The following BCAR3 variants were observed in gnomAD, a reference collection of about 807,000 sequenced individuals.
BCAR3 encodes the protein BCAR3 adaptor protein, NSP family member, also known as breast cancer anti-estrogen resistance protein 3.
A neutral mutation model predicts 80.1 loss-of-function variants in BCAR3; 37 were observed. The ratio of observed to expected loss-of-function variants is 0.46; its 90% CI spans 0.36 to 0.61. The LOEUF (loss-of-function observed/expected upper bound fraction) is 0.61, where lower values mean the gene tolerates loss of function less well. BCAR3 is among the 20% of genes least tolerant of loss of function. BCAR3 has a pLI of 0.00. For missense variants in BCAR3, 978 were observed against 1,068.2 expected, an observed-to-expected ratio of 0.92 and a Z score of 1.18; for synonymous variants, 389 against 418.9, an observed-to-expected ratio of 0.93 and a Z score of 0.87.
upstream of BCAR3, among the ~76,000 whole-genome samples, chr1:93,685,358 TG>T (rs1328222504): frequency 6.6e-5 from 10 of 151,980 alleles, no homozygotes; most frequent in Middle Eastern, 3.4e-3. Context: ...TTTCTATGTG[TG>T]TGTGTGTGTG....
At chr1:93,670,593 A>G (rs1225655244) in intron 2 of BCAR3, among the ~76,000 whole-genome samples, 1 of 152,168 alleles carries the variant, frequency 6.6e-6, no homozygotes, top group African/African-American at 2.4e-5. Flanking sequence ...TAGCTCAGTT[A>G]TCCATTAAGG....
intron 2 of BCAR3, among the ~76,000 whole-genome samples, chr1:93,829,245 T>C (rs763047470): frequency 6.6e-6 from 1 of 152,090 alleles, no homozygotes; most frequent in Non-Finnish European, 1.5e-5. Context: ...CTGGCTCTCC[T>C]ACCCTAGTCT....
At chr1:93,653,784 C>G (rs1571010866) in intron 2 of BCAR3, among the ~76,000 whole-genome samples, 1 of 152,282 alleles carries the variant, frequency 6.6e-6, no homozygotes, top group South Asian at 2.1e-4. Flanking sequence ...AGTGAAGAAG[C>G]CCCACATGGG....
At chr1:93,630,927 C>A (rs565751917) in intron 3 of BCAR3, among the ~76,000 whole-genome samples, 1 of 152,336 alleles carries the variant, frequency 6.6e-6, no homozygotes, top group East Asian at 1.9e-4. Context: ...CAAGGTCATA[C>A]AACCAAGAAA....
chr1:93,583,465 AGGGAAAGTCAG>A (rs1673811381), intron 6 of BCAR3, among the ~76,000 whole-genome samples: 1 of 152,148 alleles, frequency 6.6e-6, no homozygotes, highest in Non-Finnish European at 1.5e-5. Context: ...TTGTGGTCCC[AGGGAAAGTCAG>A]TTATGAAAAT....
At chr1:93,751,582 C>T (rs1229135631) in intron 2 of BCAR3, among the ~76,000 whole-genome samples, 3 of 152,218 alleles carry the variant, frequency 2.0e-5, no homozygotes, top group Admixed American at 2.0e-4. Context: ...CCTCATAAAC[C>T]TTGGCCAAGC....
At chr1:93,610,403 CCATTCTTTT>C (rs1229284729) in intron 3 of BCAR3, among the ~76,000 whole-genome samples, 9 of 152,146 alleles carry the variant, frequency 5.9e-5, no homozygotes, top group Admixed American at 5.9e-4. Context: ...CGTCCCTATG[CCATTCTTTT>C]CTTTGTCCAT....
At chr1:93,613,822 T>A (rs1358696446) in intron 3 of BCAR3, 1 of 1,549,484 alleles carries the variant, frequency 6.5e-7, no homozygotes, top group Admixed American at 2.0e-5. Flanking sequence ...TTGACAGATG[T>A]ACTTTATTTC....
At chr1:93,775,716 T>A (rs868351879) in intron 2 of BCAR3, among the ~76,000 whole-genome samples, 28 of 152,290 alleles carry the variant, frequency 1.8e-4, no homozygotes, top group African/African-American at 6.5e-4. Flanking sequence ...TTTGCTGCTA[T>A]GAAAATGTCT....
chr1:93,753,209 T>A (rs575109601), intron 2 of BCAR3: 1 of 152,364 alleles, frequency 6.6e-6, no homozygotes, highest in South Asian at 2.1e-4. Context: ...AGCAGGTGAA[T>A]GATACAGCTG....
intron 2 of BCAR3, among the ~76,000 whole-genome samples, chr1:93,665,285 C>T (rs1328556727): frequency 6.6e-6 from 1 of 152,088 alleles, no homozygotes; most frequent in African/African-American, 2.4e-5. Context: ...CTGACACAGA[C>T]CCCAGGGAGG....
At chr1:93,643,220 T>C (rs1571000039) in intron 2 of BCAR3, among the ~76,000 whole-genome samples, 5 of 111,638 alleles carry the variant, frequency 4.5e-5, no homozygotes, top group South Asian at 2.8e-4. Context: ...AGAGTGAAAC[T>C]CCATCTCAAA....
At chr1:93,689,271 G>A (rs1226402995) in intron 3 of BCAR3, among the ~76,000 whole-genome samples, 2 of 152,104 alleles carry the variant, frequency 1.3e-5, no homozygotes, top group African/African-American at 4.8e-5. Flanking sequence ...TGGATCACCT[G>A]AGGTCAGAGG....
chr1:93,613,807 A>G (rs1434442103), intron 3 of BCAR3: 2 of 1,546,504 alleles, frequency 1.3e-6, no homozygotes, highest in East Asian at 2.4e-5. Flanking sequence ...GGGTCCCCCA[A>G]AAGATTGACA....
intron 2 of BCAR3, among the ~76,000 whole-genome samples, chr1:93,668,931 C>T (rs969383993): frequency 8.5e-5 from 13 of 152,114 alleles, no homozygotes; most frequent in African/African-American, 2.4e-4. Flanking sequence ...AGGCTGGTCT[C>T]GAACTCCTGA....
chr1:93,845,101 T>TCTTTCCCAATTCCCCCTTCC (rs1553176509), intron 2 of BCAR3, among the ~76,000 whole-genome samples: 1 of 152,150 alleles, frequency 6.6e-6, no homozygotes, highest in Non-Finnish European at 1.5e-5. Context: ...GCACATTGTT[T>TCTTTCCCAATTCCCCCTTCC]CTTTCCCAAT....
At chr1:93,666,799 T>C (rs554852297) in intron 2 of BCAR3, among the ~76,000 whole-genome samples, 2 of 152,332 alleles carry the variant, frequency 1.3e-5, no homozygotes, top group South Asian at 2.1e-4. Context: ...TGTTGAGTGT[T>C]GGCCAAGGCT....
intron 2 of BCAR3, among the ~76,000 whole-genome samples, chr1:93,755,386 C>G (rs1651708100): frequency 6.6e-6 from 1 of 152,234 alleles, no homozygotes; most frequent in South Asian, 2.1e-4. Context: ...TCACCCAGAA[C>G]AACTTCCAGT....
At chr1:93,599,964 C>T (rs1243592851) in intron 3 of BCAR3, among the ~76,000 whole-genome samples, 8 of 152,182 alleles carry the variant, frequency 5.3e-5, no homozygotes, top group Admixed American at 2.0e-4. Context: ...AACAGTTTCC[C>T]TACCTCCCAT....
Sources: allele counts gnomAD v4.1 joint callset (sites outside exome capture counted in the v4.1 genomes callset), GRCh38; gene constraint gnomAD v4.1.1; transcripts MANE v1.5; gene names NCBI Gene and HGNC (gene_info 2026-07-23, HGNC 2026-07-21).